The following PTPRD variants were observed in gnomAD, a reference collection of about 807,000 sequenced individuals.
PTPRD encodes the protein receptor-type tyrosine-protein phosphatase delta.
PTPRD carries 34 observed loss-of-function variants against 214.5 expected under a neutral mutation model. The observed-to-expected ratio is 0.16, with a 90% CI of 0.12 to 0.21. The LOEUF is 0.21. Ranked by LOEUF, PTPRD falls within the 10% of genes least tolerant of loss-of-function variation. PTPRD has a pLI of 1.00. For synonymous variants in PTPRD, 1,128 were observed against 845.7 expected (o/e 1.33, Z -5.79); for missense variants, 2,545 against 2,398.7 (o/e 1.06, Z -1.27).
intron 8 of PTPRD, among the ~76,000 whole-genome samples, chr9:9,483,285 C>T (rs1318462192): frequency 1.3e-5 from 2 of 152,094 alleles, no homozygotes; most frequent in Non-Finnish European, 2.9e-5. Flanking sequence ...CATCAGCTGT[C>T]ACTAGTAATT....
intron 31 of PTPRD, among the ~76,000 whole-genome samples, chr9:8,469,995 T>C (rs2096620961): frequency 6.6e-6 from 1 of 152,150 alleles, no homozygotes; most frequent in Non-Finnish European, 1.5e-5. Context: ...ATTCTTTTCC[T>C]TGCTCTGTTT....
At chr9:9,795,097 G>T (rs1169609343) in intron 5 of PTPRD, among the ~76,000 whole-genome samples, 1 of 152,176 alleles carries the variant, frequency 6.6e-6, no homozygotes, top group Non-Finnish European at 1.5e-5. Context: ...ATCATATATG[G>T]TTTAAAACGT....
Position 10,031,647 on chromosome 9 carries a change from T to TATATATATATACACACACACACAC in PTPRD, c.-472+2070_-472+2071insGTGTGTGTGTGTGTATATATATAT. On this transcript the variant is annotated intron_variant, in intron 4 of 45. Coordinates refer to ENST00000381196, the MANE Select transcript of PTPRD (RefSeq NM_002839.4). ...CTCCATATATATATATATATATATA[T>TATATATATATACACACACACACAC]ACACACACACACACACACATACACA... Among the ~76,000 whole-genome samples the TATATATATATACACACACACACAC allele has an allele frequency of 7.9e-3, 705 of 89,440 alleles. 10 individuals carry two copies. Among genetic ancestry groups the TATATATATATACACACACACACAC allele is most frequent in the African/African-American group, 0.013 (161 of 12,340 alleles). The allele number at this position is 89,440 out of a possible 152,430, so 58.7% of individuals were successfully genotyped here.
rs75586118 is a variant in PTPRD at position 10,047,236 on chromosome 9, T to C, written c.-544-13446A>G. Among the ~76,000 whole-genome samples the C allele has an allele frequency of 3.0e-3, 452 of 152,004 alleles. 1 individual carries two copies. Among genetic ancestry groups the C allele is most frequent in the African/African-American group, 9.9e-3 (411 of 41,472 alleles). The stretch of plus-strand genomic sequence containing the variant: ...CTCTGCTCCAAACCTTTAATAAATA[T>C]ATTGATCTAGGATTGTATCCTAATC... On this transcript the variant is annotated intron_variant, in intron 3 of 45. Coordinates refer to ENST00000381196, the MANE Select transcript of PTPRD (RefSeq NM_002839.4).
At chr9:8,514,477 G>A (rs949021764) in intron 21 of PTPRD, among the ~76,000 whole-genome samples, 8 of 150,158 alleles carry the variant, frequency 5.3e-5, no homozygotes, top group African/African-American at 1.5e-4. Flanking sequence ...TGAGTGTAAC[G>A]ATCTTTCATA....
chr9:9,608,848 A>C (rs2094346015), intron 7 of PTPRD, among the ~76,000 whole-genome samples: 1 of 152,136 alleles, frequency 6.6e-6, no homozygotes. Context: ...ACTTCTAAGA[A>C]TTACCTTCTT....
At chr9:9,705,073 A>G (rs1207670801) in intron 7 of PTPRD, among the ~76,000 whole-genome samples, 2 of 152,218 alleles carry the variant, frequency 1.3e-5, no homozygotes, top group Non-Finnish European at 2.9e-5. Context: ...TAATGGAAGC[A>G]ATGTGAGCAT....
intron 3 of PTPRD, among the ~76,000 whole-genome samples, chr9:10,261,764 TA>T (rs2093714072): frequency 6.6e-6 from 1 of 152,052 alleles, no homozygotes. Context: ...AGCTCTCTTA[TA>T]AAAAGTGATA....
intron 3 of PTPRD, among the ~76,000 whole-genome samples, chr9:10,158,255 C>A (rs1051002204): frequency 6.6e-6 from 1 of 152,152 alleles, no homozygotes; most frequent in African/African-American, 2.4e-5. Flanking sequence ...GATCTGCCCA[C>A]TTCGGCCCCC....
At chr9:9,988,459 C>A (rs930028054) in intron 4 of PTPRD, among the ~76,000 whole-genome samples, 11 of 152,110 alleles carry the variant, frequency 7.2e-5, no homozygotes, top group African/African-American at 2.7e-4. Context: ...TTGAAGACAA[C>A]AGATGTTATT....
At chr9:10,284,409 G>T (rs1310235431) in intron 3 of PTPRD, among the ~76,000 whole-genome samples, 1 of 152,090 alleles carries the variant, frequency 6.6e-6, no homozygotes, top group East Asian at 1.9e-4. Context: ...GATGTCTCAA[G>T]CATAGTAGAA....
chr9:9,499,664 A>T lies in PTPRD; in HGVS notation c.-237+75068T>A, dbSNP rs111996805. ...TTCTGTACACAGCAGGAACTCAGCA[A>T]AACAGCCTGTTTCTTCTCACAGTTA... is the stretch of plus-strand genomic sequence containing the variant. On this transcript the variant is annotated intron_variant, in intron 8 of 45. Transcript: ENST00000381196. 9.2e-3 allele frequency among the ~76,000 whole-genome samples: 1,398 copies of T among 152,152 alleles called. 22 individuals carry two copies. The highest frequency in any genetic ancestry group is 0.032 in the African/African-American group (1,339 of 41,536).
At chr9:10,074,277 T>C (rs2098090804) in intron 3 of PTPRD, among the ~76,000 whole-genome samples, 2 of 152,114 alleles carry the variant, frequency 1.3e-5, no homozygotes, top group Admixed American at 6.6e-5. Context: ...TATAGTGGCC[T>C]GAGAATGTTT....
intron 11 of PTPRD, among the ~76,000 whole-genome samples, chr9:8,874,322 C>T (rs1469658564): frequency 2.6e-5 from 4 of 152,076 alleles, no homozygotes; most frequent in Non-Finnish European, 4.4e-5. Flanking sequence ...CTTTGTTCCT[C>T]GTAGATGTTC....
At position 9,479,463 on chromosome 9, in the gene PTPRD, T is replaced by G. The variant is rs147345944; in HGVS notation, c.-236-81981A>C. Among the ~76,000 whole-genome samples, 486 of 152,210 alleles carry G rather than the reference T, an allele frequency of 3.2e-3. 7 individuals carry two copies. Among genetic ancestry groups the G allele is most frequent in the African/African-American group, 0.011 (458 of 41,542 alleles). On this transcript the variant is annotated intron_variant, in intron 8 of 45. Transcript: ENST00000381196. ...AGTTACCAGTTGTTGAGGACTTGATTCTTTTCAAACCTTGTATCAATTAAG... is the reference window on the plus strand; with the variant it reads ...AGTTACCAGTTGTTGAGGACTTGATGCTTTTCAAACCTTGTATCAATTAAG...
chr9:10,284,993 A>C (rs2095295809), intron 3 of PTPRD, among the ~76,000 whole-genome samples: 1 of 152,186 alleles, frequency 6.6e-6, no homozygotes, highest in African/African-American at 2.4e-5. Flanking sequence ...TCCAAATGGT[A>C]TGAATGTTTA....
rs553206917 is a variant in PTPRD, at chr9:10,060,050, G to C, written c.-544-26260C>G. Among the ~76,000 whole-genome samples, 360 of 152,060 alleles carry C rather than the reference G, an allele frequency of 2.4e-3. 5 individuals are homozygous for C. Among genetic ancestry groups the C allele is most frequent in the South Asian group, 8.1e-3 (39 of 4,830 alleles). ...ATGAATTTCTAGGTTAGATGCTTCC[G>C]ATATTCTATTTCCCTGACAACCAAT... On this transcript the variant is annotated intron_variant, in intron 3 of 45. Coordinates refer to ENST00000381196, the MANE Select transcript of PTPRD (RefSeq NM_002839.4).
chr9:9,858,322 T>C (rs954121027), intron 5 of PTPRD, among the ~76,000 whole-genome samples: 7 of 152,308 alleles, frequency 4.6e-5, no homozygotes, highest in East Asian at 1.9e-4. Context: ...AATGGAAACA[T>C]ATCTGATTTT....
intron 4 of PTPRD, among the ~76,000 whole-genome samples, chr9:9,958,975 A>G (rs1183058002): frequency 2.0e-5 from 3 of 152,178 alleles, no homozygotes; most frequent in African/African-American, 4.8e-5. Flanking sequence ...GTCTTACCAT[A>G]AAATCAAACA....
Sources: gnomAD v4.1 joint callset for allele counts (sites outside exome capture counted in the v4.1 genomes callset) on GRCh38, gnomAD v4.1.1 for gene constraint, MANE v1.5 for transcripts, NCBI Gene and HGNC (gene_info 2026-07-23, HGNC 2026-07-21) for gene names.